PRKG1: variants seen among roughly 807,000 people sequenced by gnomAD.
PRKG1 encodes the protein cGMP-dependent protein kinase 1.
PRKG1 carries 35 observed loss-of-function variants against 88.1 expected under a neutral mutation model. That is an observed-to-expected ratio of 0.40 (90% confidence interval 0.30 to 0.53). The LOEUF is 0.53. Among genes scored for constraint, PRKG1 ranks in the 20% least tolerant of loss-of-function variants. PRKG1 has a pLI of 0.59. For synonymous variants in PRKG1, 303 were observed against 292.5 expected (o/e 1.04, Z -0.37); for missense variants, 540 against 839.8 (o/e 0.64, Z 4.41).
chr10:51,808,371 C>A (rs1020011907), intron 4 of PRKG1, among the ~76,000 whole-genome samples: 1 of 151,936 alleles, frequency 6.6e-6, no homozygotes, highest in Non-Finnish European at 1.5e-5. Context: ...CCAAAGTGGG[C>A]GGATTGTTTG....
chr10:52,125,725 A>G (rs1449937686), intron 7 of PRKG1: 2 of 152,174 alleles, frequency 1.3e-5, no homozygotes, highest in African/African-American at 2.4e-5. Flanking sequence ...CTTCTTCACA[A>G]TTTCACAGAT....
At chr10:52,163,218 C>CATGTGTTTGT (rs1220624184) in intron 9 of PRKG1, among the ~76,000 whole-genome samples, 1 of 142,298 alleles carries the variant, frequency 7.0e-6, no homozygotes, top group African/African-American at 2.9e-5. Context: ...CTTATCTTTT[C>CATGTGTTTGT]GTGTGTTTGT....
chr10:51,018,188 A>G (rs1843093402), intron 1 of PRKG1, among the ~76,000 whole-genome samples: 1 of 152,158 alleles, frequency 6.6e-6, no homozygotes, highest in African/African-American at 2.4e-5. Context: ...ACCTTTTCCA[A>G]ATGAAGAACT....
At chr10:51,915,629 C>T (rs535181217) in intron 5 of PRKG1, among the ~76,000 whole-genome samples, 7 of 151,932 alleles carry the variant, frequency 4.6e-5, no homozygotes, top group Non-Finnish European at 7.4e-5. Context: ...ACAAAACTCT[C>T]AGTTCGGTAT....
chr10:52,180,060 A>C (rs1284224499), intron 9 of PRKG1, among the ~76,000 whole-genome samples: 2 of 152,170 alleles, frequency 1.3e-5, no homozygotes, highest in Admixed American at 6.5e-5. Flanking sequence ...TTGTTAGCTT[A>C]ATGGTCCCTC....
intron 3 of PRKG1, among the ~76,000 whole-genome samples, chr10:51,486,189 T>G (rs1840534391): frequency 6.6e-6 from 1 of 152,168 alleles, no homozygotes; most frequent in Non-Finnish European, 1.5e-5. Flanking sequence ...TCTCTGGGAC[T>G]TCTTCATTTT....
At chr10:52,221,681 A>G (rs1189987322) in intron 9 of PRKG1, among the ~76,000 whole-genome samples, 1 of 152,216 alleles carries the variant, frequency 6.6e-6, no homozygotes, top group Non-Finnish European at 1.5e-5. Flanking sequence ...ATAACATCAG[A>G]TATTTTTTAC....
intron 4 of PRKG1, among the ~76,000 whole-genome samples, chr10:51,805,716 A>G (rs1417257047): frequency 1.3e-5 from 2 of 152,036 alleles, no homozygotes. Context: ...GCAATTTTTG[A>G]TATTCCTTAC....
At position 51,126,105 on chromosome 10, in the gene PRKG1, A is replaced by T. The variant is rs1295775422; in HGVS notation, c.312-27059A>T. Reference sequence around the variant, plus strand: ...ATATAATTATATAATAATATACTATATATAATTATATAATTATATTTAATT... The same window carrying T: ...ATATAATTATATAATAATATACTATTTATAATTATATAATTATATTTAATT... On this transcript the variant is annotated intron_variant, in intron 1 of 17. Coordinates refer to ENST00000373980, the MANE Select transcript of PRKG1 (RefSeq NM_006258.4). Among the ~76,000 whole-genome samples the T allele has an allele frequency of 9.0e-5, 7 of 77,558 alleles. No homozygotes were observed. In the South Asian group the frequency reaches 1.3e-3, roughly 14 times the overall value. The allele number at this position is 77,558 out of a possible 152,430, so 50.9% of individuals were successfully genotyped here. A position where few individuals can be genotyped will look rare whatever the true frequency, so the allele number is the denominator to read the frequency against.
intron 9 of PRKG1, among the ~76,000 whole-genome samples, chr10:52,225,810 T>C (rs1840373914): frequency 1.3e-5 from 2 of 152,162 alleles, no homozygotes; most frequent in Admixed American, 1.3e-4. Flanking sequence ...AATTTGGGTT[T>C]ATTTCTGGGC....
chr10:52,293,541 T>G (rs1842316133), intron 17 of PRKG1, among the ~76,000 whole-genome samples: 1 of 152,194 alleles, frequency 6.6e-6, no homozygotes, highest in Non-Finnish European at 1.5e-5. Context: ...TCCATAGCTC[T>G]AGCCAAAGTT....
chr10:51,564,054 G>C (rs1335859995), intron 3 of PRKG1, among the ~76,000 whole-genome samples: 1 of 152,118 alleles, frequency 6.6e-6, no homozygotes. Context: ...AGAGAATCAG[G>C]GGCATCATTT....
chr10:52,015,395 G>A (rs1168347498), intron 5 of PRKG1, among the ~76,000 whole-genome samples: 1 of 152,198 alleles, frequency 6.6e-6, no homozygotes, highest in East Asian at 1.9e-4. Context: ...CTGGGACACA[G>A]CGCACCATGT....
At chr10:51,598,599 A>G (rs2132221940) in intron 3 of PRKG1, among the ~76,000 whole-genome samples, 1 of 152,342 alleles carries the variant, frequency 6.6e-6, no homozygotes, top group East Asian at 1.9e-4. Context: ...GTCACTCGAT[A>G]GAAGTTGAAC....
At chr10:51,153,680 G>A (rs1846134948) in intron 2 of PRKG1, among the ~76,000 whole-genome samples, 1 of 151,882 alleles carries the variant, frequency 6.6e-6, no homozygotes, top group Admixed American at 6.6e-5. Flanking sequence ...AGTATTTTTG[G>A]CCGATAATTT....
intron 5 of PRKG1, among the ~76,000 whole-genome samples, chr10:52,010,906 T>C (rs1330904798): frequency 3.3e-5 from 5 of 152,208 alleles, no homozygotes; most frequent in African/African-American, 1.2e-4. Context: ...GAAGCAAGCT[T>C]CTCTGACTTC....
intron 2 of PRKG1, among the ~76,000 whole-genome samples, chr10:51,431,225 G>A (rs1838761351): frequency 6.6e-6 from 1 of 152,172 alleles, no homozygotes; most frequent in African/African-American, 2.4e-5. Context: ...ATTTATGGAA[G>A]TGACAAAGTG....
chr10:51,552,915 T>G (rs1032320166), intron 3 of PRKG1, among the ~76,000 whole-genome samples: 1 of 151,622 alleles, frequency 6.6e-6, no homozygotes, highest in Admixed American at 6.6e-5. Flanking sequence ...TAACTCCATC[T>G]AATTTCAAGT....
chr10:51,871,538 G>C (rs935492101), intron 4 of PRKG1, among the ~76,000 whole-genome samples: 5 of 152,212 alleles, frequency 3.3e-5, no homozygotes, highest in African/African-American at 1.2e-4. Flanking sequence ...AGTGGCTACT[G>C]TCCCAGCCCC....
Sources: gnomAD v4.1 joint callset for allele counts (sites outside exome capture counted in the v4.1 genomes callset) on GRCh38, gnomAD v4.1.1 for gene constraint, MANE v1.5 for transcripts, NCBI Gene and HGNC (gene_info 2026-07-23, HGNC 2026-07-21) for gene names.